NF1: variants seen among roughly 807,000 people sequenced by gnomAD.
The protein encoded by NF1 is neurofibromin.
In NF1, 122 loss-of-function variants were observed where a neutral mutation model predicts 325.7. The ratio of observed to expected loss-of-function variants is 0.37; its 90% confidence interval spans 0.32 to 0.44. NF1 has a LOEUF of 0.44. NF1 is among the 20% of genes least tolerant of loss of function. NF1 has a pLI of 1.00. For synonymous variants in NF1, 1,091 were observed against 1,186.0 expected, an observed-to-expected ratio of 0.92 and a Z score of 1.65; for missense variants, 2,140 against 3,415.4, an observed-to-expected ratio of 0.63 and a Z score of 9.31.
At chr17:31,285,989 T>C (rs2068219814) in intron 36 of NF1, among the ~76,000 whole-genome samples, 1 of 152,220 alleles carries the variant, frequency 6.6e-6, no homozygotes. Flanking sequence ...GTGACATTTA[T>C]GTTTAAATTT....
rs17880742 is a variant in NF1 at position 31,328,909 on chromosome 17, C to T, written c.5609+1070C>T. On this transcript the variant is annotated intron_variant, in intron 38 of 57. Transcript: ENST00000358273. ...TCCTTTATCTCATAGGTGTCTGTGA[C>T]ACCTGTCCTGGGTTGAGGAAGTCCA... is the stretch of plus-strand genomic sequence containing the variant. Among the ~76,000 whole-genome samples the T allele has an allele frequency of 9.4e-3, 1,432 of 152,268 alleles. 23 individuals carry two copies. Among genetic ancestry groups the T allele is most frequent in the African/African-American group, 0.032 (1,348 of 41,550 alleles).
rs1215659707 is a variant in NF1 at position 31,155,969 on chromosome 17, TC to T, written c.61-13del. The T allele has an allele frequency of 1.4e-5, 23 of 1,610,936 alleles. No individual in the cohort carries two copies. In the Admixed American group the frequency reaches 3.5e-4, roughly 25 times the overall value. ...ATAAGCTGTTAACGTGTTTTTTTTT[TC>T]TTTTTTTTTCAGCTTCCAATAAAAA... On this transcript the variant is annotated splice_polypyrimidine_tract_variant and intron_variant, in intron 1 of 57. Transcript: ENST00000358273.
intron 36 of NF1, chr17:31,294,795 C>T (rs1375215614): frequency 1.7e-6 from 1 of 599,668 alleles, no homozygotes; most frequent in African/African-American, 1.9e-5. Context: ...CATTAGTTTA[C>T]TTAATTAAGA....
chr17:31,255,203 A>ATGAC (rs1188920348), intron 31 of NF1, among the ~76,000 whole-genome samples: 4 of 152,198 alleles, frequency 2.6e-5, no homozygotes, highest in Non-Finnish European at 4.4e-5. Flanking sequence ...AGTGTAGTTT[A>ATGAC]TGACTACATG....
chr17:31,345,132 G>A (rs575712603), intron 48 of NF1, among the ~76,000 whole-genome samples: 2 of 152,136 alleles, frequency 1.3e-5, no homozygotes, highest in Admixed American at 6.5e-5. Flanking sequence ...TAAAAGACAA[G>A]AAAAGAAAAG....
intron 36 of NF1, among the ~76,000 whole-genome samples, chr17:31,280,655 A>G (rs982783305): frequency 6.6e-6 from 1 of 151,910 alleles, no homozygotes; most frequent in Non-Finnish European, 1.5e-5. Flanking sequence ...TATTACAACA[A>G]TTTCCTAATT....
chr17:31,225,449 A>G (rs17885681), intron 17 of NF1, among the ~76,000 whole-genome samples, 199 bp downstream of exon 17: 181 of 152,206 alleles, frequency 1.2e-3, no homozygotes, highest in African/African-American at 4.1e-3. Flanking sequence ...TAAAATGGGG[A>G]CAGTAATAGT....
At chr17:31,318,637 C>T (rs2069091655) in intron 36 of NF1, 3 of 1,614,074 alleles carry the variant, frequency 1.9e-6, no homozygotes, top group Non-Finnish European at 2.5e-6. Context: ...GTTTTCCGCA[C>T]AGACATCCTT....
intron 8 of NF1, 123 bp from the exon 9 acceptor site, chr17:31,200,299 A>G: frequency 2.4e-6 from 2 of 823,604 alleles, no homozygotes; most frequent in Non-Finnish European, 1.9e-6. Flanking sequence ...GAAAACCACA[A>G]ATATAAATTA....
chr17:31,197,442 A>G (rs941988625), intron 8 of NF1, among the ~76,000 whole-genome samples: 1 of 151,284 alleles, frequency 6.6e-6, no homozygotes, highest in African/African-American at 2.4e-5. Context: ...TACCTTAACA[A>G]TCTAGGAACG....
chr17:31,150,088 G>A (rs1597618848), intron 1 of NF1, among the ~76,000 whole-genome samples: 2 of 152,300 alleles, frequency 1.3e-5, no homozygotes, highest in East Asian at 1.9e-4. Context: ...TACAGGTCGA[G>A]TATCCCGTAT....
chr17:31,121,395 C>CTTTTTTTTTTTTTTTTT (rs71142019), intron 1 of NF1, among the ~76,000 whole-genome samples: 1 of 92,510 alleles, frequency 1.1e-5, no homozygotes, highest in African/African-American at 4.5e-5. Context: ...AATCACTATT[C>CTTTTTTTTTTTTTTTTT]TTTTTTTTTT....
At chr17:31,101,544 G>A (rs888176608) in intron 1 of NF1, among the ~76,000 whole-genome samples, 1 of 152,102 alleles carries the variant, frequency 6.6e-6, no homozygotes, top group Admixed American at 6.6e-5. Flanking sequence ...TTCCCATTAT[G>A]CCTCTGCATG....
intron 31 of NF1, among the ~76,000 whole-genome samples, chr17:31,256,257 C>G (rs2067581118): frequency 1.3e-5 from 2 of 152,160 alleles, no homozygotes; most frequent in Non-Finnish European, 1.5e-5. Flanking sequence ...CCTGCCTTAG[C>G]CTTCCAAGTA....
Position 31,349,112 on chromosome 17 carries a change from T to C in NF1, c.7190-8T>C. ...TTGTTTGTTTGTTTGTTTGTTTGTTTTTTGTAGGGTACAGGCATCCTTCAC... is the reference window on the plus strand; with the variant it reads ...TTGTTTGTTTGTTTGTTTGTTTGTTCTTTGTAGGGTACAGGCATCCTTCAC... On this transcript the variant is annotated splice_region_variant and splice_polypyrimidine_tract_variant and intron_variant, in intron 48 of 57. Coordinates refer to ENST00000358273, the MANE Select transcript of NF1 (RefSeq NM_001042492.3). The C allele has an allele frequency of 6.3e-7, 1 of 1,575,250 alleles. No homozygotes were observed. The highest frequency in any genetic ancestry group is 8.6e-7 in the Non-Finnish European group (1 of 1,159,616).
chr17:31,168,550 A>G (rs771150198), intron 4 of NF1, among the ~76,000 whole-genome samples: 1 of 151,240 alleles, frequency 6.6e-6, no homozygotes, highest in African/African-American at 2.4e-5. Context: ...CTTGCTCTCC[A>G]TTTTTTCCCA....
At chr17:31,330,581 T>C in intron 39 of NF1, 83 bp downstream of exon 39, 4 of 1,083,134 alleles carry the variant, frequency 3.7e-6, no homozygotes, top group Non-Finnish European at 5.4e-6. Context: ...AATTTTCCAG[T>C]GAAGACTTTC....
At chr17:31,181,855 A>G (rs2066143663) in intron 7 of NF1, 70 bp downstream of exon 7, 3 of 1,085,800 alleles carry the variant, frequency 2.8e-6, no homozygotes, top group African/African-American at 1.6e-5. Flanking sequence ...AAAACCTATC[A>G]TCGTTTTCCA....
intron 1 of NF1, among the ~76,000 whole-genome samples, chr17:31,145,582 C>A (rs544769120): frequency 6.6e-6 from 1 of 152,076 alleles, no homozygotes. Context: ...CTGATAAATT[C>A]TTGGTTACTT....
Sources: gnomAD v4.1 joint callset for allele counts (sites outside exome capture counted in the v4.1 genomes callset) on GRCh38, gnomAD v4.1.1 for gene constraint, MANE v1.5 for transcripts, NCBI Gene and HGNC (gene_info 2026-07-23, HGNC 2026-07-21) for gene names.